SUCLG2: variants seen among roughly 807,000 people sequenced by gnomAD.
The protein encoded by SUCLG2 is succinate-CoA ligase GDP-forming subunit beta, also known as succinate--CoA ligase [GDP-forming] subunit beta, mitochondrial.
In SUCLG2, 42 loss-of-function variants were observed where a neutral mutation model predicts 47.9. That is an observed-to-expected ratio of 0.88 (90% confidence interval 0.69 to 1.14). The LOEUF (loss-of-function observed/expected upper bound fraction) is 1.14, where lower values mean the gene tolerates loss of function less well. Among genes scored for constraint, SUCLG2 ranks in the 50% most tolerant of loss-of-function variants. The pLI is 0.00. For synonymous variants in SUCLG2, 195 were observed against 197.3 expected (o/e 0.99, Z 0.10); for missense variants, 571 against 525.9 (o/e 1.09, Z -0.84).
intron 9 of SUCLG2, among the ~76,000 whole-genome samples, chr3:67,453,243 T>C (rs953847063): frequency 6.6e-6 from 1 of 152,170 alleles, no homozygotes; most frequent in Non-Finnish European, 1.5e-5. Flanking sequence ...TATGAGTATT[T>C]TCTTTTAATT....
At chr3:67,499,304 T>C (rs1055883427) in intron 7 of SUCLG2, among the ~76,000 whole-genome samples, 1 of 152,128 alleles carries the variant, frequency 6.6e-6, no homozygotes, top group Admixed American at 6.5e-5. Context: ...ACCTAGTTCT[T>C]CTCTGGGCCT....
chr3:67,618,027 T>C (rs532993286), intron 1 of SUCLG2, among the ~76,000 whole-genome samples: 10 of 152,226 alleles, frequency 6.6e-5, no homozygotes, highest in Non-Finnish European at 1.2e-4. Context: ...ACTCTAATCA[T>C]GGAATTTCTA....
At chr3:67,545,959 C>T (rs1420462155) in intron 2 of SUCLG2, among the ~76,000 whole-genome samples, 1 of 152,202 alleles carries the variant, frequency 6.6e-6, no homozygotes, top group African/African-American at 2.4e-5. Context: ...AATTGGAACA[C>T]TCATTATCAA....
intron 1 of SUCLG2, among the ~76,000 whole-genome samples, chr3:67,621,863 T>C (rs906060207): frequency 6.6e-6 from 1 of 152,224 alleles, no homozygotes; most frequent in Non-Finnish European, 1.5e-5. Context: ...CTGTCTCTTA[T>C]AAGCAACAGA....
chr3:67,483,834 G>A (rs567722082), intron 9 of SUCLG2, among the ~76,000 whole-genome samples: 2 of 152,236 alleles, frequency 1.3e-5, no homozygotes, highest in African/African-American at 4.8e-5. Context: ...AGTCATTCTT[G>A]CTGTGGAATG....
At chr3:67,544,237 G>A (rs1475415882) in intron 2 of SUCLG2, among the ~76,000 whole-genome samples, 1 of 152,112 alleles carries the variant, frequency 6.6e-6, no homozygotes, top group Non-Finnish European at 1.5e-5. Flanking sequence ...AAGCTGAGAA[G>A]GAAAAAGGAC....
intron 7 of SUCLG2, among the ~76,000 whole-genome samples, chr3:67,498,667 TCTATGTAAAG>T (rs973043195): frequency 6.6e-6 from 1 of 152,176 alleles, no homozygotes; most frequent in African/African-American, 2.4e-5. Flanking sequence ...ACCTTTCTCT[TCTATGTAAAG>T]AGAGACTAGA....
rs1703284121 is a variant in SUCLG2 at position 67,425,746 on chromosome 3, T to C, written c.1063-24895A>G. Among the ~76,000 whole-genome samples the C allele has an allele frequency of 2.6e-5, 4 of 152,318 alleles. No homozygotes were observed. In the South Asian group the frequency reaches 8.3e-4, roughly 32 times the overall value. On this transcript the variant is annotated intron_variant, in intron 9 of 10. Coordinates refer to ENST00000307227, the MANE Select transcript of SUCLG2 (RefSeq NM_003848.4). ...GGATTCCTTGGCCTTCATGACTGTA[T>C]GAGCCAATACCTTATAATAAATCTC...
intron 9 of SUCLG2, among the ~76,000 whole-genome samples, chr3:67,428,788 G>A (rs1170437948): frequency 6.6e-6 from 1 of 152,132 alleles, no homozygotes; most frequent in Non-Finnish European, 1.5e-5. Context: ...CATGGCATGA[G>A]AACTACATGA....
intron 2 of SUCLG2, among the ~76,000 whole-genome samples, chr3:67,594,467 T>TTC (rs1171511401): frequency 3.3e-5 from 5 of 152,182 alleles, no homozygotes; most frequent in Non-Finnish European, 7.3e-5. Context: ...AACACTTTCA[T>TTC]CCCAGTTCTC....
rs1478490141 is a variant in SUCLG2, at chr3:67,375,822, G to T, written c.1221C>A (p.Asn407Lys). 1 of 1,613,830 alleles carries T rather than the reference G, an allele frequency of 6.2e-7. No individual in the cohort carries two copies. The highest frequency in any genetic ancestry group is 8.5e-7 in the Non-Finnish European group (1 of 1,179,920). ...TGGCTGAAGTAATGGGGAGTCCGCT[G>T]TTGTTGAGTATCTTCTGGGCCTCTT... ...NVQEAQKILN[N>K]SGLPITSAID... is the part of the protein sequence containing the mutation. The change falls in exon 11 of 11, where the codon AAC (asparagine) becomes AAA (lysine). Residue 407 changes from asparagine to lysine, a missense_variant. Coordinates refer to ENST00000307227, the MANE Select transcript of SUCLG2 (RefSeq NM_003848.4).
At chr3:67,547,362 T>C (rs1706893674) in intron 2 of SUCLG2, among the ~76,000 whole-genome samples, 1 of 152,248 alleles carries the variant, frequency 6.6e-6, no homozygotes. Context: ...CAGAATGAAC[T>C]AAGATACTCC....
intron 10 of SUCLG2, among the ~76,000 whole-genome samples, chr3:67,363,362 T>A (rs1037045853): frequency 1.3e-5 from 2 of 152,190 alleles, no homozygotes; most frequent in East Asian, 3.8e-4. Flanking sequence ...CACTAATACA[T>A]TTCTTAACAG....
At chr3:67,577,950 T>G (rs1293097892) in intron 2 of SUCLG2, among the ~76,000 whole-genome samples, 1 of 152,126 alleles carries the variant, frequency 6.6e-6, no homozygotes, top group African/African-American at 2.4e-5. Flanking sequence ...AGAGAAGGTG[T>G]CAAATCTGAA....
At chr3:67,465,300 C>A (rs1438007655) in intron 9 of SUCLG2, among the ~76,000 whole-genome samples, 1 of 152,228 alleles carries the variant, frequency 6.6e-6, no homozygotes, top group Non-Finnish European at 1.5e-5. Flanking sequence ...CCTTTCAGAG[C>A]TGGGCCCAGC....
At chr3:67,580,789 T>C (rs1263518057) in intron 2 of SUCLG2, among the ~76,000 whole-genome samples, 1 of 152,184 alleles carries the variant, frequency 6.6e-6, no homozygotes, top group Non-Finnish European at 1.5e-5. Flanking sequence ...AAGTGAGTTG[T>C]CAGGGAGAAA....
At chr3:67,421,967 AAAG>A (rs1190379810) in intron 9 of SUCLG2, among the ~76,000 whole-genome samples, 1 of 152,350 alleles carries the variant, frequency 6.6e-6, no homozygotes, top group East Asian at 1.9e-4. Context: ...GAATAAAAGC[AAAG>A]AAGATTTGCA....
chr3:67,503,905 G>C (rs543463753), intron 7 of SUCLG2, among the ~76,000 whole-genome samples: 15 of 152,270 alleles, frequency 9.9e-5, no homozygotes, highest in African/African-American at 3.4e-4. Flanking sequence ...CTGGCAGTTA[G>C]AGGCCTCTGA....
intron 9 of SUCLG2, among the ~76,000 whole-genome samples, chr3:67,466,389 T>C (rs891205489): frequency 3.3e-5 from 5 of 152,174 alleles, no homozygotes; most frequent in Non-Finnish European, 5.9e-5. Flanking sequence ...TTTACATCCA[T>C]TTAAAAAGAT....
Sources: allele counts gnomAD v4.1 joint callset (sites outside exome capture counted in the v4.1 genomes callset), GRCh38; gene constraint gnomAD v4.1.1; transcripts MANE v1.5; gene names NCBI Gene and HGNC (gene_info 2026-07-23, HGNC 2026-07-21).